GNAQ: variants seen among roughly 807,000 people sequenced by gnomAD.
GNAQ encodes the protein G protein subunit alpha q, also known as guanine nucleotide-binding protein G(q) subunit alpha.
Under a neutral mutation model 43.9 loss-of-function variants are expected in GNAQ, and 8 were observed. That is an observed-to-expected ratio of 0.18 (90% CI 0.11 to 0.33). The LOEUF (loss-of-function observed/expected upper bound fraction) is 0.33. Ranked by LOEUF, GNAQ falls within the 10% of genes least tolerant of loss-of-function variation. The pLI is 1.00. For synonymous variants in GNAQ, 155 were observed against 170.7 expected (o/e 0.91, Z 0.71); for missense variants, 158 against 450.8 (o/e 0.35, Z 5.88).
At chr9:77,812,069 T>A (rs953988082) in intron 3 of GNAQ, among the ~76,000 whole-genome samples, 15 of 152,198 alleles carry the variant, frequency 9.9e-5, no homozygotes, top group African/African-American at 3.4e-4. Flanking sequence ...TCTCAATGTG[T>A]CCTGGTTCAG....
intron 1 of GNAQ, among the ~76,000 whole-genome samples, chr9:77,952,588 G>A (rs1347895983): frequency 1.3e-5 from 2 of 152,122 alleles, no homozygotes; most frequent in Non-Finnish European, 2.9e-5. Context: ...GAAAAATTAA[G>A]AATTGCAGAA....
At chr9:77,796,358 C>T (rs570095450) in intron 4 of GNAQ, among the ~76,000 whole-genome samples, 22 of 152,266 alleles carry the variant, frequency 1.4e-4, no homozygotes, top group Middle Eastern at 3.4e-3. Flanking sequence ...TGCTTCATAA[C>T]CAATATTGCA....
chr9:77,810,028 T>C (rs2118495855), intron 3 of GNAQ, among the ~76,000 whole-genome samples: 1 of 152,316 alleles, frequency 6.6e-6, no homozygotes, highest in Non-Finnish European at 1.5e-5. Context: ...TTCCAGTCAA[T>C]TTTATATAAT....
intron 2 of GNAQ, among the ~76,000 whole-genome samples, chr9:77,864,793 C>T (rs1827921489): frequency 6.6e-6 from 1 of 152,210 alleles, no homozygotes; most frequent in Non-Finnish European, 1.5e-5. Flanking sequence ...GAAATGAACA[C>T]ACTCTTTTCT....
intron 5 of GNAQ, among the ~76,000 whole-genome samples, chr9:77,785,329 T>G (rs1826458835): frequency 6.6e-6 from 1 of 152,044 alleles, no homozygotes; most frequent in Admixed American, 6.6e-5. Context: ...AAGAAGAGAT[T>G]CTCCCCTAGA....
intron 1 of GNAQ, among the ~76,000 whole-genome samples, chr9:78,018,997 T>C (rs965243306): frequency 3.9e-5 from 6 of 152,186 alleles, no homozygotes; most frequent in Admixed American, 2.6e-4. Context: ...ATAACAAGCA[T>C]GGCCTAGAGT....
intron 2 of GNAQ, among the ~76,000 whole-genome samples, chr9:77,820,527 AC>A (rs1195974924): frequency 4.6e-5 from 7 of 152,208 alleles, no homozygotes; most frequent in African/African-American, 1.7e-4. Context: ...TTATGATTCA[AC>A]ATGTGGCTCA....
chr9:77,755,588 G>A (rs927737625), intron 5 of GNAQ, among the ~76,000 whole-genome samples: 8 of 152,102 alleles, frequency 5.3e-5, no homozygotes, highest in African/African-American at 1.7e-4. Flanking sequence ...GTATACACCT[G>A]TACTAAGAAA....
intron 3 of GNAQ, among the ~76,000 whole-genome samples, chr9:77,805,412 CT>C (rs1024927225): frequency 4.0e-5 from 6 of 148,480 alleles, no homozygotes; most frequent in Non-Finnish European, 1.5e-5. Context: ...TACTTTTTTT[CT>C]TTTTTTTTTG....
chr9:77,881,168 T>C (rs886510383), intron 2 of GNAQ, among the ~76,000 whole-genome samples: 11 of 152,168 alleles, frequency 7.2e-5, no homozygotes, highest in African/African-American at 2.4e-4. Flanking sequence ...TCTACACAAA[T>C]TATGTTTACC....
rs1222845267 is a variant in GNAQ, at chr9:77,803,901, A to G, written c.477-6253T>C. ...ACACCTTGTAACAGATAAATTCTTT[A>G]CACGCTGAATGTCAGGATAATCTCT... On this transcript the variant is annotated intron_variant, in intron 3 of 6. Transcript: ENST00000286548. Among the ~76,000 whole-genome samples, 6 of 152,326 alleles carry G rather than the reference A, an allele frequency of 3.9e-5. No individual in the cohort carries two copies. In the East Asian group the frequency reaches 1.2e-3, roughly 29 times the overall value.
chr9:77,749,867 C>A (rs1245927353), intron 5 of GNAQ, among the ~76,000 whole-genome samples: 2 of 152,088 alleles, frequency 1.3e-5, no homozygotes, highest in Non-Finnish European at 2.9e-5. Flanking sequence ...ATTGATTTTA[C>A]GACCCAGTAA....
At chr9:77,794,726 A>G (rs550089913) in intron 4 of GNAQ, 134 bp from the exon 5 acceptor site, 21 of 483,686 alleles carry the variant, frequency 4.3e-5, no homozygotes, top group Admixed American at 1.1e-4. Flanking sequence ...AATTCAATTA[A>G]TACTTATTGA....
rs568480959 is a variant in GNAQ at position 77,810,159 on chromosome 9, T to G, written c.476+5457A>C. Among the ~76,000 whole-genome samples the G allele has an allele frequency of 5.3e-5, 8 of 152,306 alleles. 1 individual carries two copies. The South Asian group carries it at 1.7e-3, about 32-fold the overall frequency. On this transcript the variant is annotated intron_variant, in intron 3 of 6. Coordinates refer to ENST00000286548, the MANE Select transcript of GNAQ (RefSeq NM_002072.5). ...TAATCATAGGTATTTATCTACTGATTCATCTATCTACCTATCTATCCATCT... is the reference window on the plus strand; with the variant it reads ...TAATCATAGGTATTTATCTACTGATGCATCTATCTACCTATCTATCCATCT...
intron 2 of GNAQ, among the ~76,000 whole-genome samples, chr9:77,820,087 C>CAAAAAAAAAAAAAAAAAAAAAAAAAAG (rs3083136): frequency 9.5e-6 from 1 of 104,992 alleles, no homozygotes; most frequent in African/African-American, 4.1e-5. Context: ...ATTTAAAATG[C>CAAAAAAAAAAAAAAAAAAAAAAAAAAG]AAAAAAAAAA....
intron 1 of GNAQ, among the ~76,000 whole-genome samples, chr9:78,004,413 T>C (rs1823681008): frequency 1.3e-5 from 2 of 152,042 alleles, no homozygotes; most frequent in Non-Finnish European, 1.5e-5. Flanking sequence ...CACCAGGTGC[T>C]CATGAGAAAT....
At chr9:77,849,312 T>TA (rs1354603672) in intron 2 of GNAQ, among the ~76,000 whole-genome samples, 1 of 152,032 alleles carries the variant, frequency 6.6e-6, no homozygotes, top group African/African-American at 2.4e-5. Context: ...ATAGAAATAA[T>TA]AAGAGTTTTT....
intron 6 of GNAQ, among the ~76,000 whole-genome samples, chr9:77,724,520 C>T (rs981367462): frequency 6.6e-6 from 1 of 152,124 alleles, no homozygotes; most frequent in South Asian, 2.1e-4. Flanking sequence ...CATCAATATT[C>T]TTGTTACCTA....
At chr9:77,750,139 A>C (rs1289762262) in intron 5 of GNAQ, among the ~76,000 whole-genome samples, 1 of 142,048 alleles carries the variant, frequency 7.0e-6, no homozygotes, top group Non-Finnish European at 1.5e-5. Context: ...ATTTCCACTG[A>C]AAATCAGCTA....
Sources: allele counts gnomAD v4.1 joint callset (sites outside exome capture counted in the v4.1 genomes callset), GRCh38; gene constraint gnomAD v4.1.1; transcripts MANE v1.5; gene names NCBI Gene and HGNC (gene_info 2026-07-23, HGNC 2026-07-21).